Variants in FNDC3A observed in about 807,000 individuals in gnomAD.
FNDC3A encodes the protein fibronectin type-III domain-containing protein 3A.
Under a neutral mutation model 148.9 loss-of-function variants are expected in FNDC3A, and 32 were observed. The ratio of observed to expected loss-of-function variants is 0.21; its 90% CI spans 0.16 to 0.29. The LOEUF (loss-of-function observed/expected upper bound fraction) is 0.29. FNDC3A is among the 10% of genes least tolerant of loss of function. FNDC3A has a pLI of 1.00. For synonymous variants in FNDC3A, 472 were observed against 473.6 expected, an observed-to-expected ratio of 1.00 and a Z score of 0.04; for missense variants, 1,191 against 1,452.8, an observed-to-expected ratio of 0.82 and a Z score of 2.93.
chr13:49,035,015 C>G (rs1285761454), intron 2 of FNDC3A, among the ~76,000 whole-genome samples: 1 of 151,906 alleles, frequency 6.6e-6, no homozygotes, highest in African/African-American at 2.4e-5. Context: ...AACATGCAAA[C>G]CCAAATGACA....
rs781460432 is a variant in FNDC3A, at chr13:49,138,719, A to T, written c.761-28A>T. On this transcript the variant is annotated intron_variant, in intron 6 of 25. Transcript: ENST00000492622. The stretch of plus-strand genomic sequence containing the variant: ...GGATTGTATCTAAGTTCTTTTTTTT[A>T]AATATTCAAATGTTTTATTTTTTTA... The T allele has an allele frequency of 3.5e-6, 4 of 1,146,078 alleles. No homozygotes were observed. In the African/African-American group the frequency reaches 4.7e-5, roughly 14 times the overall value. 71.0% of individuals were successfully genotyped at this position (1,146,078 alleles called of 1,614,324 possible). A position where few individuals can be genotyped will look rare whatever the true frequency, so the allele number is the denominator to read the frequency against.
At chr13:49,131,396 C>T (rs761833142) in intron 5 of FNDC3A, 22 bp downstream of exon 5, 1 of 1,496,054 alleles carries the variant, frequency 6.7e-7, no homozygotes, top group South Asian at 1.1e-5. Context: ...AAAAGTATTC[C>T]ACTGTTATTG....
intron 2 of FNDC3A, among the ~76,000 whole-genome samples, chr13:49,011,945 G>A (rs1952354225): frequency 6.6e-6 from 1 of 152,068 alleles, no homozygotes; most frequent in South Asian, 2.1e-4. Context: ...ACTGTATCAA[G>A]CATAGGTCCA....
chr13:49,059,422 A>G (rs1467623624), intron 2 of FNDC3A, among the ~76,000 whole-genome samples: 7 of 152,200 alleles, frequency 4.6e-5, no homozygotes, highest in Non-Finnish European at 1.0e-4. Context: ...GATGTGAAAG[A>G]CAGTCTATAG....
intron 13 of FNDC3A, among the ~76,000 whole-genome samples, chr13:49,176,863 C>T (rs541567894): frequency 2.4e-4 from 37 of 152,226 alleles, no homozygotes; most frequent in African/African-American, 8.7e-4. Flanking sequence ...TGCAGTGGCA[C>T]AATCTCAGTT....
chr13:49,159,075 T>C (rs1883914951), intron 8 of FNDC3A, among the ~76,000 whole-genome samples: 1 of 152,240 alleles, frequency 6.6e-6, no homozygotes, highest in Non-Finnish European at 1.5e-5. Context: ...CTTTGTTCTT[T>C]TGGCTTAGGA....
At chr13:49,095,476 C>T (rs903499266) in intron 3 of FNDC3A, 1 of 152,040 alleles carries the variant, frequency 6.6e-6, no homozygotes, top group African/African-American at 2.4e-5. Context: ...CCCACTGCTT[C>T]ACTTGACTAG....
intron 2 of FNDC3A, among the ~76,000 whole-genome samples, chr13:49,065,738 A>C (rs1877219836): frequency 6.6e-6 from 1 of 152,200 alleles, no homozygotes; most frequent in Non-Finnish European, 1.5e-5. Context: ...AAAAGGAATA[A>C]GGGGACAAGA....
intron 16 of FNDC3A, chr13:49,187,699 C>CA: frequency 6.7e-7 from 1 of 1,491,722 alleles, no homozygotes; most frequent in Non-Finnish European, 9.3e-7. Flanking sequence ...GCGAAAGGCA[C>CA]AGAAACCGAG....
At chr13:49,016,666 C>A (rs891598279) in intron 2 of FNDC3A, among the ~76,000 whole-genome samples, 2 of 152,076 alleles carry the variant, frequency 1.3e-5, no homozygotes, top group African/African-American at 4.8e-5. Context: ...TTTGCTCTTG[C>A]TTTTCTAATT....
chr13:49,137,290 G>A (rs934467355), intron 6 of FNDC3A, among the ~76,000 whole-genome samples: 8 of 151,742 alleles, frequency 5.3e-5, no homozygotes, highest in Non-Finnish European at 1.0e-4. Flanking sequence ...GTTACTCTTG[G>A]ATCCTTCCCC....
chr13:49,041,166 T>G lies in FNDC3A; in HGVS notation c.100-34123T>G, dbSNP rs780325046. 2.6e-5 allele frequency among the ~76,000 whole-genome samples: 4 copies of G among 152,208 alleles called. 1 individual carries two copies. The highest frequency in any genetic ancestry group is 5.9e-5 in the Non-Finnish European group (4 of 68,030). On this transcript the variant is annotated intron_variant, in intron 2 of 25. Transcript: ENST00000492622. ...TTAGACAGGGACCTTTATTCCAAAG[T>G]AGCCCTGGTTTAATCTGGCATGTTG...
chr13:48,990,347 C>T (rs1013297530), intron 1 of FNDC3A, among the ~76,000 whole-genome samples: 4 of 151,614 alleles, frequency 2.6e-5, no homozygotes, highest in Non-Finnish European at 5.9e-5. Context: ...GGAAACTTGG[C>T]CACAAGGAGT....
chr13:49,150,943 C>CAAAA (rs35888648), intron 8 of FNDC3A, among the ~76,000 whole-genome samples: 12 of 107,128 alleles, frequency 1.1e-4, no homozygotes, highest in Admixed American at 4.9e-4. Flanking sequence ...GACTCCGTCT[C>CAAAA]AAAAAAAAAA....
At chr13:49,108,127 C>T (rs777738197) in intron 3 of FNDC3A, among the ~76,000 whole-genome samples, 5 of 151,986 alleles carry the variant, frequency 3.3e-5, no homozygotes, top group Non-Finnish European at 5.9e-5. Flanking sequence ...GTAATAAGTT[C>T]CAGGATGTAT....
intron 3 of FNDC3A, among the ~76,000 whole-genome samples, chr13:49,111,094 A>C (rs1880540052): frequency 6.6e-6 from 1 of 152,222 alleles, no homozygotes; most frequent in South Asian, 2.1e-4. Context: ...TACATTTGTC[A>C]ATAGGATCTG....
chr13:49,174,557 A>G lies in FNDC3A; in HGVS notation c.1353A>G (p.Thr451=), dbSNP rs751040026. 2 of 1,610,014 alleles carry G rather than the reference A, an allele frequency of 1.2e-6. No individual in the cohort carries two copies. The highest frequency in any genetic ancestry group is 1.7e-5 in the Admixed American group (1 of 59,688). Residue 451 remains threonine (T), a splice_region_variant and synonymous_variant, in exon 12 of 26, where the codon ACA becomes ACG. Coordinates refer to ENST00000492622, the MANE Select transcript of FNDC3A (RefSeq NM_001079673.2). ...FRLSARNDYG[T]SGFSEEVLYY... ...TATCGGCCAGAAATGACTATGGTACAAGGTAAGGTGTACTTTATAAAAGAA... is the reference window on the plus strand; with the variant it reads ...TATCGGCCAGAAATGACTATGGTACGAGGTAAGGTGTACTTTATAAAAGAA...
At chr13:49,008,690 T>G (rs1347154389) in intron 2 of FNDC3A, among the ~76,000 whole-genome samples, 5 of 152,194 alleles carry the variant, frequency 3.3e-5, no homozygotes, top group Admixed American at 3.3e-4. Flanking sequence ...GTCTTTGGCT[T>G]GTGAATCATA....
At chr13:49,013,293 C>T (rs576345826) in intron 2 of FNDC3A, among the ~76,000 whole-genome samples, 1 of 152,088 alleles carries the variant, frequency 6.6e-6, no homozygotes, top group East Asian at 1.9e-4. Flanking sequence ...CCAGTCTGGG[C>T]AACAGAGTGA....
Sources: gnomAD v4.1 joint callset for allele counts (sites outside exome capture counted in the v4.1 genomes callset) on GRCh38, gnomAD v4.1.1 for gene constraint, MANE v1.5 for transcripts, NCBI Gene and HGNC (gene_info 2026-07-23, HGNC 2026-07-21) for gene names.